ATP13A3: variants seen among roughly 807,000 people sequenced by gnomAD.
The protein encoded by ATP13A3 is ATPase 13A3, also known as polyamine-transporting ATPase 13A3.
Under a neutral mutation model 158.1 loss-of-function variants are expected in ATP13A3, and 59 were observed. The ratio of observed to expected loss-of-function variants is 0.37; its 90% CI spans 0.30 to 0.46. The LOEUF (loss-of-function observed/expected upper bound fraction) is 0.46. ATP13A3 is among the 20% of genes least tolerant of loss of function. The probability of loss-of-function intolerance (pLI) is 1.00; values close to 1 mark genes in which losing one functional copy is unlikely to be tolerated. For missense variants in ATP13A3, 1,166 were observed against 1,525.2 expected, an observed-to-expected ratio of 0.76 and a Z score of 3.92; for synonymous variants, 491 against 504.3, an observed-to-expected ratio of 0.97 and a Z score of 0.35.
At chr3:194,451,827 A>G (rs1249475201) in intron 10 of ATP13A3, 1 of 152,452 alleles carries the variant, frequency 6.6e-6, no homozygotes, top group East Asian at 1.9e-4. Context: ...AACAGCACCA[A>G]CATCCATCCA....
rs985851017 is a variant in ATP13A3, at chr3:194,405,086, A to G, written c.*833T>C. ...AAGCCTGACAGAAACAAATTTGAAG[A>G]AACGTTAAAAGATGAATCTACATCT... is the stretch of plus-strand genomic sequence containing the variant. On this transcript the variant is annotated 3_prime_UTR_variant, in exon 34 of 34. Transcript: ENST00000645319. 2 of 152,254 alleles carry G rather than the reference A, an allele frequency of 1.3e-5. No individual in the cohort carries two copies. The highest frequency in any genetic ancestry group is 2.9e-5 in the Non-Finnish European group (2 of 68,034). 9.4% of individuals were successfully genotyped at this position (152,254 alleles called of 1,614,324 possible). A position where few individuals can be genotyped will look rare whatever the true frequency, so the allele number is the denominator to read the frequency against.
chr3:194,453,042 G>A (rs987685285), intron 10 of ATP13A3: 6 of 152,124 alleles, frequency 3.9e-5, no homozygotes, highest in African/African-American at 1.4e-4. Context: ...GCGAGGCAGA[G>A]TGGCTCAAGC....
At chr3:194,444,471 A>G (rs1431404706) in intron 15 of ATP13A3, among the ~76,000 whole-genome samples, 1 of 152,230 alleles carries the variant, frequency 6.6e-6, no homozygotes, top group Non-Finnish European at 1.5e-5. Context: ...TTATACTTAG[A>G]AAAAATATAA....
In ATP13A3 at chr3:194,405,790, CAAAT is replaced by C; in HGVS notation, c.*125_*128del. On this transcript the variant is annotated 3_prime_UTR_variant, in exon 34 of 34. Transcript: ENST00000645319. Reference sequence around the variant, plus strand: ...TTATTTTAAGGAAGAGCAAAGCTGTCAAATAAGCTACTATATCAGAAGGGACATA... The same window carrying C: ...TTATTTTAAGGAAGAGCAAAGCTGTCAAGCTACTATATCAGAAGGGACATA... The C allele has an allele frequency of 6.5e-6, 6 of 923,958 alleles. 1 individual carries two copies. Among genetic ancestry groups the C allele is most frequent in the Non-Finnish European group, 9.8e-6 (6 of 609,288 alleles). 57.2% of individuals were successfully genotyped at this position (923,958 alleles called of 1,614,324 possible).
intron 31 of ATP13A3, among the ~76,000 whole-genome samples, chr3:194,418,263 C>T (rs967379749): frequency 2.2e-4 from 33 of 152,002 alleles, no homozygotes; most frequent in African/African-American, 6.8e-4. Flanking sequence ...TGGACAAGTC[C>T]GCCAAACTGA....
At chr3:194,479,652 A>G (rs1720671842) in intron 2 of ATP13A3, among the ~76,000 whole-genome samples, 1 of 152,058 alleles carries the variant, frequency 6.6e-6, no homozygotes, top group Non-Finnish European at 1.5e-5. Flanking sequence ...CCATGTTTAA[A>G]GAAATCTAAA....
In ATP13A3 at chr3:194,404,222, C is replaced by T. The variant is rs1348065955; in HGVS notation, c.*1697G>A. 1 of 408,828 alleles carries T rather than the reference C, an allele frequency of 2.4e-6. No individual in the cohort carries two copies. Among genetic ancestry groups the T allele is most frequent in the Non-Finnish European group, 4.7e-6 (1 of 210,696 alleles). 25.3% of individuals were successfully genotyped at this position (408,828 alleles called of 1,614,324 possible). On this transcript the variant is annotated 3_prime_UTR_variant, in exon 34 of 34. Coordinates refer to ENST00000645319, the MANE Select transcript of ATP13A3 (RefSeq NM_001367549.1). ...GAATCATTCATGGAACAACTGTTATCATCTAATGTGTATTAATAGCATATT... is the reference window on the plus strand; with the variant it reads ...GAATCATTCATGGAACAACTGTTATTATCTAATGTGTATTAATAGCATATT...
At chr3:194,453,638 G>A (rs1019044557) in intron 10 of ATP13A3, 68 bp downstream of exon 10, 26 of 1,242,848 alleles carry the variant, frequency 2.1e-5, no homozygotes, top group Middle Eastern at 1.9e-4. Flanking sequence ...TATACTTTGG[G>A]CTTACTTCAC....
chr3:194,429,614 C>T (rs777437578), intron 27 of ATP13A3, 64 bp downstream of exon 27: 325 of 1,275,046 alleles, frequency 2.5e-4, no homozygotes, highest in Middle Eastern at 1.9e-4. Flanking sequence ...CAAACACATA[C>T]GCTCAACATC....
intron 33 of ATP13A3, among the ~76,000 whole-genome samples, chr3:194,410,538 CAGCCTGGGTGACA>C (rs1284909254): frequency 1.3e-5 from 2 of 151,958 alleles, no homozygotes; most frequent in East Asian, 3.9e-4. Context: ...CACTGCACTC[CAGCCTGGGTGACA>C]GAGTGAGACC....
intron 21 of ATP13A3, 122 bp from the exon 22 acceptor site, chr3:194,432,014 A>T: frequency 3.9e-6 from 3 of 773,836 alleles, no homozygotes; most frequent in Non-Finnish European, 5.5e-6. Context: ...ACGATAATGT[A>T]TGGTTCTTCC....
At chr3:194,489,113 C>T (rs1373482156), upstream of ATP13A3, among the ~76,000 whole-genome samples, 1 of 152,232 alleles carries the variant, frequency 6.6e-6, no homozygotes, top group Admixed American at 6.5e-5. This position sits in a 1 kb window ranked among gnomAD's most constrained non-coding sequence, Gnocchi z 4.1. Context: ...TACCCAATCA[C>T]CAAGTCCTAT....
chr3:194,469,059 G>A (rs1318058836), intron 2 of ATP13A3, among the ~76,000 whole-genome samples: 1 of 151,084 alleles, frequency 6.6e-6, no homozygotes, highest in Non-Finnish European at 1.5e-5. Flanking sequence ...GTTTGAACCT[G>A]GAGGTGGAGG....
intron 31 of ATP13A3, among the ~76,000 whole-genome samples, chr3:194,417,213 G>A (rs1715913720): frequency 6.6e-6 from 1 of 152,250 alleles, no homozygotes; most frequent in South Asian, 2.1e-4. Context: ...CCGAGGTCAA[G>A]AGTTCAAGAC....
chr3:194,453,582 G>A (rs1718977470), intron 10 of ATP13A3, 124 bp downstream of exon 10: 1 of 758,682 alleles, frequency 1.3e-6, no homozygotes, highest in Non-Finnish European at 2.1e-6. Context: ...CTAAGTGACA[G>A]AGACACTGAC....
At chr3:194,447,376 A>G (rs1002427390) in intron 13 of ATP13A3, among the ~76,000 whole-genome samples, 14 of 152,214 alleles carry the variant, frequency 9.2e-5, no homozygotes, top group Non-Finnish European at 1.6e-4. Flanking sequence ...CATACTTCAC[A>G]CATGACACAC....
At position 194,425,491 on chromosome 3, in the gene ATP13A3, G is replaced by A. The variant is rs1416977025; in HGVS notation, c.3164C>T (p.Ser1055Leu). The change falls in exon 30 of 34, where the codon TCA becomes TTA. Residue 1055 changes from serine to leucine, a missense_variant. Ser to Leu is a moderately radical substitution (Grantham distance 145). This residue lies in a region of ATP13A3 where 997 missense variants were observed against 1,341.2 expected (regional missense o/e 0.74). Coordinates refer to ENST00000645319, the MANE Select transcript of ATP13A3 (RefSeq NM_001367549.1). ...AAGTTCGGTTTCATTGTCTACGTGT[G>A]AAGAATTCCAAAACCCGCTTCCTGT... ...NTTGSGFWNS[S>L]HVDNETELDE... The A allele has an allele frequency of 9.9e-6, 16 of 1,612,492 alleles. No individual in the cohort carries two copies. The highest frequency in any genetic ancestry group is 1.4e-5 in the Non-Finnish European group (16 of 1,179,524).
intron 6 of ATP13A3, among the ~76,000 whole-genome samples, chr3:194,457,403 T>G (rs974881922): frequency 3.3e-5 from 5 of 152,158 alleles, no homozygotes; most frequent in African/African-American, 1.2e-4. Flanking sequence ...TTCAATATGT[T>G]TATTGCAGGA....
In ATP13A3 at chr3:194,427,213, C is replaced by G; in HGVS notation, c.2987G>C (p.Arg996Thr). ...NPAWKELVAQ[R>T]PPSGLISGAL... Reference sequence around the variant, plus strand: ...CCCAGATATAAGACCCGAAGGTGGTCTTTGTGCCACAAGTTCTTTCCAGGC... The same window carrying G: ...CCCAGATATAAGACCCGAAGGTGGTGTTTGTGCCACAAGTTCTTTCCAGGC... Residue 996 changes from arginine to threonine, a missense_variant, in exon 29 of 34, where the codon AGA (arginine) becomes ACA (threonine). This residue lies in a region of ATP13A3 where 997 missense variants were observed against 1,341.2 expected (regional missense o/e 0.74). Coordinates refer to ENST00000645319, the MANE Select transcript of ATP13A3 (RefSeq NM_001367549.1). 1 of 1,609,018 alleles carries G rather than the reference C, an allele frequency of 6.2e-7. No individual in the cohort carries two copies. Among genetic ancestry groups the G allele is most frequent in the Non-Finnish European group, 8.5e-7 (1 of 1,178,964 alleles).
Sources: gnomAD v4.1 joint callset for allele counts (sites outside exome capture counted in the v4.1 genomes callset) on GRCh38, gnomAD v4.1.1 for gene constraint, gnomAD v4.1.1 regional missense constraint, Gnocchi (gnomAD v3.1) non-coding constraint, MANE v1.5 for transcripts, NCBI Gene and HGNC (gene_info 2026-07-23, HGNC 2026-07-21) for gene names.